The following SPOCK3 variants were observed in gnomAD, a reference collection of about 807,000 sequenced individuals.
SPOCK3 encodes the protein testican-3.
A neutral mutation model predicts 56.6 loss-of-function variants in SPOCK3; 30 were observed. The observed-to-expected ratio is 0.53, with a 90% CI of 0.40 to 0.72. The LOEUF is 0.72. Ranked by LOEUF, SPOCK3 falls within the 30% of genes least tolerant of loss-of-function variation. SPOCK3 has a pLI of 0.00. For synonymous variants in SPOCK3, 196 were observed against 183.3 expected, an observed-to-expected ratio of 1.07 and a Z score of -0.56; for missense variants, 527 against 530.0, an observed-to-expected ratio of 0.99 and a Z score of 0.06.
chr4:167,215,431 A>G (rs1314023547), intron 2 of SPOCK3, among the ~76,000 whole-genome samples: 1 of 152,132 alleles, frequency 6.6e-6, no homozygotes, highest in East Asian at 1.9e-4. Flanking sequence ...GCATGTGACT[A>G]TAGTAATCAT....
At chr4:166,933,875 G>C (rs1033199606) in intron 4 of SPOCK3, among the ~76,000 whole-genome samples, 7 of 152,224 alleles carry the variant, frequency 4.6e-5, no homozygotes, top group Non-Finnish European at 8.8e-5. Flanking sequence ...ATCTGGCTGG[G>C]TCCAGCCATG....
At chr4:166,930,441 C>T (rs1246766462) in intron 4 of SPOCK3, among the ~76,000 whole-genome samples, 1 of 151,746 alleles carries the variant, frequency 6.6e-6, no homozygotes, top group Non-Finnish European at 1.5e-5. Flanking sequence ...TAGAAAGGAG[C>T]TAGTCTTATG....
intron 2 of SPOCK3, among the ~76,000 whole-genome samples, chr4:167,181,085 A>G (rs924620828): frequency 2.0e-5 from 3 of 152,136 alleles, no homozygotes; most frequent in Admixed American, 2.0e-4. Context: ...TGACTTCCAA[A>G]TGTATACCTC....
chr4:166,742,475 T>C (rs1734983433), intron 8 of SPOCK3, among the ~76,000 whole-genome samples: 1 of 152,212 alleles, frequency 6.6e-6, no homozygotes, highest in South Asian at 2.1e-4. Context: ...AATTGACTGC[T>C]GCTGAAGCAA....
intron 6 of SPOCK3, among the ~76,000 whole-genome samples, chr4:166,871,248 A>G (rs908349169): frequency 1.3e-5 from 2 of 152,130 alleles, no homozygotes; most frequent in Non-Finnish European, 2.9e-5. Flanking sequence ...TAAATCAATA[A>G]ATAAAATCAA....
In SPOCK3 at chr4:166,869,167, T is replaced by A. The variant is rs1376952638; in HGVS notation, c.589+19963A>T. 2.0e-5 allele frequency among the ~76,000 whole-genome samples: 3 copies of A among 152,100 alleles called. No homozygotes were observed. In the East Asian group the frequency reaches 5.8e-4, roughly 29 times the overall value. On this transcript the variant is annotated intron_variant, in intron 6 of 10. Coordinates refer to ENST00000357545, the MANE Select transcript of SPOCK3 (RefSeq NM_001040159.2). ...GGGAGGACTCTCTGGTGCCTGATCT[T>A]GCAGGATCAGCAGGAATAGCTAAAA...
intron 2 of SPOCK3, among the ~76,000 whole-genome samples, chr4:167,090,510 T>A (rs1758609672): frequency 6.8e-6 from 1 of 147,880 alleles, no homozygotes. Flanking sequence ...ATGGATTTAT[T>A]TTTTTTTTTT....
At chr4:166,823,563 T>C (rs1435790978) in intron 6 of SPOCK3, among the ~76,000 whole-genome samples, 1 of 152,012 alleles carries the variant, frequency 6.6e-6, no homozygotes, top group African/African-American at 2.4e-5. Flanking sequence ...ATAAACACGA[T>C]TTAAGGGTCA....
chr4:166,994,181 A>C (rs1279424314), intron 4 of SPOCK3, among the ~76,000 whole-genome samples: 3 of 152,176 alleles, frequency 2.0e-5, no homozygotes, highest in Non-Finnish European at 4.4e-5. Flanking sequence ...TGATCATAAA[A>C]TATACAACGT....
intron 6 of SPOCK3, among the ~76,000 whole-genome samples, chr4:166,839,309 T>A (rs1036383504): frequency 2.6e-5 from 4 of 152,112 alleles, no homozygotes; most frequent in Non-Finnish European, 5.9e-5. Flanking sequence ...TATTCCTTAG[T>A]AGGCCACCAC....
intron 7 of SPOCK3, among the ~76,000 whole-genome samples, chr4:166,781,628 TAATG>T (rs1484088250): frequency 2.0e-5 from 3 of 152,086 alleles, no homozygotes; most frequent in African/African-American, 7.2e-5. Context: ...TCTCCAAAAT[TAATG>T]AAAGACATCA....
chr4:167,171,895 A>C (rs1730531392), intron 2 of SPOCK3, among the ~76,000 whole-genome samples: 1 of 152,062 alleles, frequency 6.6e-6, no homozygotes, highest in Non-Finnish European at 1.5e-5. Context: ...AAAAAGAAGA[A>C]GATTACCACC....
chr4:167,184,899 A>C (rs1054018085), intron 2 of SPOCK3, among the ~76,000 whole-genome samples: 1 of 152,160 alleles, frequency 6.6e-6, no homozygotes, highest in African/African-American at 2.4e-5. Flanking sequence ...GTAGTAGTGA[A>C]GGAAGTAGAA....
At chr4:167,109,367 TATATATTTATATAAAATATATAA>T (rs1211004918) in intron 2 of SPOCK3, among the ~76,000 whole-genome samples, 8 of 25,626 alleles carry the variant, frequency 3.1e-4, no homozygotes, top group South Asian at 2.5e-3. Context: ...TATATTTATA[TATATATTTATATAAAATATATAA>T]ATATATATTT....
chr4:167,231,501 A>G (rs1389385801), intron 2 of SPOCK3, among the ~76,000 whole-genome samples: 1 of 152,126 alleles, frequency 6.6e-6, no homozygotes, highest in African/African-American at 2.4e-5. Context: ...GAGTACATAA[A>G]TCATTATTTG....
chr4:166,850,079 A>AT (rs1200884617), intron 6 of SPOCK3, among the ~76,000 whole-genome samples: 3 of 152,154 alleles, frequency 2.0e-5, no homozygotes, highest in East Asian at 3.8e-4. Flanking sequence ...CTCTGCTTTC[A>AT]TTTTTGCAGG....
chr4:167,180,529 T>C (rs1007330530), intron 2 of SPOCK3, among the ~76,000 whole-genome samples: 2 of 152,198 alleles, frequency 1.3e-5, no homozygotes, highest in Admixed American at 1.3e-4. Context: ...TTTCTATAAA[T>C]ATGTAAATAG....
At chr4:166,803,112 T>A (rs1742793553) in intron 6 of SPOCK3, among the ~76,000 whole-genome samples, 1 of 152,148 alleles carries the variant, frequency 6.6e-6, no homozygotes, top group African/African-American at 2.4e-5. Context: ...CAAGGATTAT[T>A]TCAGTCTGAG....
chr4:166,913,579 AATAG>A (rs914227272), intron 4 of SPOCK3, among the ~76,000 whole-genome samples: 1 of 152,176 alleles, frequency 6.6e-6, no homozygotes, highest in Non-Finnish European at 1.5e-5. Context: ...TCAGGATGAG[AATAG>A]ATATTTTACC....
Sources: gnomAD v4.1 joint callset for allele counts (sites outside exome capture counted in the v4.1 genomes callset) on GRCh38, gnomAD v4.1.1 for gene constraint, MANE v1.5 for transcripts, NCBI Gene and HGNC (gene_info 2026-07-23, HGNC 2026-07-21) for gene names.